CDON: variants seen among roughly 807,000 people sequenced by gnomAD.
CDON encodes cell adhesion molecule-related/down-regulated by oncogenes.
A neutral mutation model predicts 120.9 loss-of-function variants in CDON; 73 were observed. The ratio of observed to expected loss-of-function variants is 0.60; its 90% CI spans 0.50 to 0.73. The LOEUF (loss-of-function observed/expected upper bound fraction) is 0.73, where lower values mean the gene tolerates loss of function less well. Among genes scored for constraint, CDON ranks in the 30% least tolerant of loss-of-function variants. CDON has a pLI of 0.00. For missense variants in CDON, 1,470 were observed against 1,587.3 expected (o/e 0.93, Z 1.26); for synonymous variants, 566 against 573.5 (o/e 0.99, Z 0.19).
chr11:126,060,161 A>C (rs1948762972), intron 1 of CDON, among the ~76,000 whole-genome samples: 2 of 152,230 alleles, frequency 1.3e-5, no homozygotes, highest in Non-Finnish European at 2.9e-5. Flanking sequence ...AAACATTCTC[A>C]AATTCAAGTT....
At chr11:126,059,250 T>C (rs1474784873) in intron 1 of CDON, among the ~76,000 whole-genome samples, 1 of 152,240 alleles carries the variant, frequency 6.6e-6, no homozygotes, top group Non-Finnish European at 1.5e-5. Flanking sequence ...GCAACGTGTA[T>C]ATGCTTGTGC....
At position 126,005,301 on chromosome 11, in the gene CDON, CA is replaced by C. The variant is rs1294947246; in HGVS notation, c.1851+457del. The stretch of plus-strand genomic sequence containing the variant: ...TGAGTAACAGAGCAAAACCCTGTCT[CA>C]AAAAAAAAAAAAAAAACAAACAAAC... On this transcript the variant is annotated intron_variant, in intron 9 of 19. Coordinates refer to ENST00000531738, the MANE Select transcript of CDON (RefSeq NM_001378964.1). 8.9e-3 allele frequency: 998 copies of C among 111,542 alleles called. 1 individual carries two copies. Among genetic ancestry groups the C allele is most frequent in the South Asian group, 0.02 (148 of 7,254 alleles). The allele number at this position is 111,542 out of a possible 1,614,324, so 6.9% of individuals were successfully genotyped here.
At chr11:125,983,827 A>C (rs752497560) in intron 16 of CDON, 45 bp downstream of exon 16, 1 of 1,359,602 alleles carries the variant, frequency 7.4e-7, no homozygotes, top group Non-Finnish European at 1.0e-6. Context: ...ATATTTGTCT[A>C]CCCACCTTTA....
intron 15 of CDON, among the ~76,000 whole-genome samples, chr11:125,989,291 T>C (rs1251292922): frequency 6.6e-6 from 1 of 152,178 alleles, no homozygotes; most frequent in African/African-American, 2.4e-5. Context: ...ATCCTAGCAC[T>C]TTGGGAAGCC....
At chr11:126,025,531 G>GT (rs1555131657) in intron 1 of CDON, among the ~76,000 whole-genome samples, 35,745 of 150,560 alleles carry the variant, frequency 0.24, 4,220 homozygotes, top group African/African-American at 0.26. Flanking sequence ...GTTTGTGGGG[G>GT]GTGTGTGTGT....
rs544653868 is a variant in CDON at position 125,986,154 on chromosome 11, T to C, written c.2774-2061A>G. 1.7e-3 allele frequency among the ~76,000 whole-genome samples: 259 copies of C among 152,348 alleles called. 1 individual carries two copies. The highest frequency in any genetic ancestry group is 2.9e-3 in the Non-Finnish European group (198 of 68,028). On this transcript the variant is annotated intron_variant, in intron 15 of 19. Coordinates refer to ENST00000531738, the MANE Select transcript of CDON (RefSeq NM_001378964.1). ...TGCAGCCATGAAAAGGATGAGTTCA[T>C]GTCCTTCGTAGCGACATGGATGAAG...
In CDON at chr11:125,960,471, G is replaced by GAC. The variant is rs887169919; in HGVS notation, c.*469_*470dup. On this transcript the variant is annotated 3_prime_UTR_variant, in exon 20 of 20. Transcript: ENST00000531738. ...CGAGCCATTGCACTCCAGCCTGGAT[G>GAC]ACAGCAAGACTCCATCTCAAAAAAC... 6.5e-5 allele frequency: 11 copies of GAC among 169,640 alleles called. No individual in the cohort carries two copies. The highest frequency in any genetic ancestry group is 2.6e-4 in the African/African-American group (11 of 41,564). The allele number at this position is 169,640 out of a possible 1,614,324, so 10.5% of individuals were successfully genotyped here.
At chr11:125,983,369 G>A (rs963340502) in intron 16 of CDON, among the ~76,000 whole-genome samples, 7 of 152,192 alleles carry the variant, frequency 4.6e-5, no homozygotes, top group African/African-American at 7.2e-5. Context: ...GGGAGAGGAC[G>A]CCATGCTGGA....
intron 18 of CDON, among the ~76,000 whole-genome samples, chr11:125,970,878 T>C (rs557306938): frequency 5.9e-5 from 9 of 152,138 alleles, no homozygotes; most frequent in Non-Finnish European, 7.3e-5. Context: ...TGGGGAGATA[T>C]ATAACTTCCC....
intron 1 of CDON, among the ~76,000 whole-genome samples, chr11:126,033,343 A>G (rs997796623): frequency 6.6e-6 from 1 of 152,092 alleles, no homozygotes; most frequent in African/African-American, 2.4e-5. Flanking sequence ...AAGCAGAAAG[A>G]AGCCTGAAGC....
intron 1 of CDON, among the ~76,000 whole-genome samples, chr11:126,026,623 G>A (rs1204820674): frequency 2.0e-5 from 3 of 152,188 alleles, no homozygotes; most frequent in South Asian, 2.1e-4. Flanking sequence ...TCTCTAGCTC[G>A]TGGATATCAG....
chr11:125,995,783 T>C (rs1946762280), intron 12 of CDON, among the ~76,000 whole-genome samples: 1 of 152,234 alleles, frequency 6.6e-6, no homozygotes, highest in Admixed American at 6.5e-5. Flanking sequence ...CATTTAAAAC[T>C]GATGCTTCTC....
At chr11:126,014,901 A>G in intron 7 of CDON, 1 of 300,850 alleles carries the variant, frequency 3.3e-6, no homozygotes, top group South Asian at 3.9e-5. Flanking sequence ...TGCACTACAT[A>G]CAAGGCTGCT....
intron 10 of CDON, 62 bp from the exon 11 acceptor site, chr11:126,001,912 A>G: frequency 7.7e-7 from 1 of 1,298,068 alleles, no homozygotes; most frequent in Non-Finnish European, 1.1e-6. Context: ...GTGGAAAAAA[A>G]AGAGTACTGT....
At chr11:125,984,866 G>T (rs1000077559) in intron 15 of CDON, among the ~76,000 whole-genome samples, 1 of 152,076 alleles carries the variant, frequency 6.6e-6, no homozygotes, top group Non-Finnish European at 1.5e-5. Flanking sequence ...CTAGAAAAAT[G>T]ACATTCCAAA....
chr11:126,047,030 C>T (rs927877453), intron 1 of CDON, among the ~76,000 whole-genome samples: 3 of 152,146 alleles, frequency 2.0e-5, no homozygotes, highest in Non-Finnish European at 4.4e-5. Flanking sequence ...GATTTCCCAT[C>T]GATGACAACA....
At chr11:125,980,240 T>C (rs1331414789) in intron 17 of CDON, among the ~76,000 whole-genome samples, 1 of 152,234 alleles carries the variant, frequency 6.6e-6, no homozygotes, top group Non-Finnish European at 1.5e-5. Flanking sequence ...CTAGTCATTC[T>C]ACTACCATTT....
intron 1 of CDON, among the ~76,000 whole-genome samples, chr11:126,051,706 G>C (rs1441478105): frequency 6.8e-6 from 1 of 146,334 alleles, no homozygotes; most frequent in African/African-American, 2.6e-5. Context: ...GGAGTGCAAT[G>C]GTGCAATCTT....
rs535566676 is a variant in CDON, at chr11:125,965,536, T to C, written c.3357-3538A>G. 1.4e-4 allele frequency among the ~76,000 whole-genome samples: 22 copies of C among 152,244 alleles called. No individual in the cohort carries two copies. The East Asian group carries it at 3.5e-3, about 24-fold the overall frequency. On this transcript the variant is annotated intron_variant, in intron 18 of 19. Transcript: ENST00000531738. Reference sequence around the variant, plus strand: ...AGAAGCTGAGCAGAACTTTTGGCTGTTTCATGGCACTGGGAGGACAAAAAT... The same window carrying C: ...AGAAGCTGAGCAGAACTTTTGGCTGCTTCATGGCACTGGGAGGACAAAAAT...
Sources: allele counts gnomAD v4.1 joint callset (sites outside exome capture counted in the v4.1 genomes callset), GRCh38; gene constraint gnomAD v4.1.1; transcripts MANE v1.5; gene names NCBI Gene and HGNC (gene_info 2026-07-23, HGNC 2026-07-21).